The following ASTN1 variants were observed in gnomAD, a reference collection of about 807,000 sequenced individuals.
ASTN1 encodes astrotactin-1.
In ASTN1, 41 loss-of-function variants were observed where a neutral mutation model predicts 140.7. The observed-to-expected ratio is 0.29, with a 90% CI of 0.23 to 0.38. The LOEUF is 0.38. Ranked by LOEUF, ASTN1 falls within the 10% of genes least tolerant of loss-of-function variation. The probability of loss-of-function intolerance (pLI) is 1.00; values close to 1 mark genes in which losing one functional copy is unlikely to be tolerated. For missense variants in ASTN1, 1,479 were observed against 1,678.8 expected, an observed-to-expected ratio of 0.88 and a Z score of 2.08; for synonymous variants, 640 against 652.2, an observed-to-expected ratio of 0.98 and a Z score of 0.29.
At position 177,032,668 on chromosome 1, in the gene ASTN1, C is replaced by T. The variant is rs1558045958; in HGVS notation, c.653G>A (p.Arg218His). The change falls in exon 3 of 23, where the codon CGC becomes CAC. Residue 218 changes from arginine to histidine, a missense_variant. Physicochemically the swap from Arg to His is conservative, Grantham distance 29. Transcript: ENST00000361833. ...GTTGTGGCCCTGCACGCGGGCATTG[C>T]GCAGGCTCTCCCGTCCGTGCCCGCC... The part of the protein sequence containing the change: ...LIGGHGRESL[R>H]NARVQGHNSS... The T allele has an allele frequency of 2.5e-6, 4 of 1,614,124 alleles. No homozygotes were observed. Among genetic ancestry groups the T allele is most frequent in the Non-Finnish European group, 3.4e-6 (4 of 1,180,030 alleles).
At chr1:176,899,190 C>T (rs1359744652) in intron 16 of ASTN1, among the ~76,000 whole-genome samples, 1 of 152,232 alleles carries the variant, frequency 6.6e-6, no homozygotes, top group African/African-American at 2.4e-5. Context: ...CTGTATCCTA[C>T]AGCATACAGT....
intron 1 of ASTN1, among the ~76,000 whole-genome samples, chr1:177,133,878 C>T (rs1242075226): frequency 2.6e-5 from 4 of 152,218 alleles, no homozygotes; most frequent in African/African-American, 9.6e-5. Context: ...TGCCTAAGCA[C>T]ATACATTAAT....
intron 18 of ASTN1, among the ~76,000 whole-genome samples, chr1:176,887,084 T>C (rs548649038): frequency 1.3e-5 from 2 of 152,304 alleles, no homozygotes; most frequent in East Asian, 3.9e-4. Context: ...ACCCCTCAAA[T>C]GCAGACTCTC....
chr1:176,882,692 T>G (rs1205705509), intron 20 of ASTN1, among the ~76,000 whole-genome samples, 167 bp downstream of exon 20: 1 of 152,136 alleles, frequency 6.6e-6, no homozygotes, highest in Non-Finnish European at 1.5e-5. Context: ...CCCATTCCAG[T>G]GTCTAAGTAC....
At chr1:177,105,649 A>C (rs544567996) in intron 1 of ASTN1, among the ~76,000 whole-genome samples, 2 of 152,260 alleles carry the variant, frequency 1.3e-5, no homozygotes, top group East Asian at 3.9e-4. Context: ...TCATGGAAAA[A>C]AAAAAAACCT....
At chr1:177,029,343 T>G in intron 5 of ASTN1, 1 of 616,516 alleles carries the variant, frequency 1.6e-6, no homozygotes. Flanking sequence ...ATATGACTCC[T>G]GAGTCTTCCA....
At chr1:177,070,358 A>AT (rs1052245666) in intron 1 of ASTN1, among the ~76,000 whole-genome samples, 7 of 152,206 alleles carry the variant, frequency 4.6e-5, no homozygotes, top group Admixed American at 2.6e-4. Context: ...ATTTGCTATA[A>AT]TTTTCTGATC....
At chr1:176,935,922 A>G in intron 15 of ASTN1, 2 of 360,968 alleles carry the variant, frequency 5.5e-6, no homozygotes, top group South Asian at 2.3e-5. Flanking sequence ...TGCTCTTTGC[A>G]TTTGGAATGC....
At chr1:177,107,179 C>T (rs1680588393) in intron 1 of ASTN1, among the ~76,000 whole-genome samples, 1 of 152,128 alleles carries the variant, frequency 6.6e-6, no homozygotes, top group African/African-American at 2.4e-5. Context: ...CCTGCTGAAC[C>T]AGAATCAGTC....
At chr1:176,995,489 G>A (rs1674396306) in intron 8 of ASTN1, among the ~76,000 whole-genome samples, 1 of 152,148 alleles carries the variant, frequency 6.6e-6, no homozygotes. Context: ...AGTAGGAAAA[G>A]CCATTCTAGG....
chr1:176,973,662 A>G (rs191649649), intron 8 of ASTN1, among the ~76,000 whole-genome samples: 78 of 152,230 alleles, frequency 5.1e-4, no homozygotes, highest in Non-Finnish European at 9.7e-4. Flanking sequence ...CTCCTCCCCA[A>G]TCTTCTCCCT....
chr1:176,971,745 A>C (rs1485082644), intron 8 of ASTN1, among the ~76,000 whole-genome samples: 1 of 152,198 alleles, frequency 6.6e-6, no homozygotes, highest in Non-Finnish European at 1.5e-5. Context: ...CACAGTGCGC[A>C]CAGTAGTATC....
chr1:177,153,216 GA>G (rs924204112), intron 1 of ASTN1, among the ~76,000 whole-genome samples: 1 of 151,984 alleles, frequency 6.6e-6, no homozygotes, highest in African/African-American at 2.4e-5. Flanking sequence ...TGGTTGTTAA[GA>G]AAAAAACAAA....
At chr1:176,955,380 C>T (rs191001820) in intron 11 of ASTN1, among the ~76,000 whole-genome samples, 238 of 152,238 alleles carry the variant, frequency 1.6e-3, no homozygotes, top group African/African-American at 5.5e-3. Context: ...AGTGGAGTCA[C>T]AAGTGTCATG....
intron 8 of ASTN1, among the ~76,000 whole-genome samples, chr1:176,974,547 G>A (rs772774895): frequency 2.5e-4 from 38 of 151,956 alleles, no homozygotes; most frequent in Admixed American, 9.2e-4. Flanking sequence ...CACCAGGCCC[G>A]GCTAATTTTT....
At chr1:176,972,705 G>T (rs912982784) in intron 8 of ASTN1, among the ~76,000 whole-genome samples, 2 of 148,854 alleles carry the variant, frequency 1.3e-5, no homozygotes, top group African/African-American at 5.0e-5. Flanking sequence ...CTCATGCAAA[G>T]AAAAATTAAA....
chr1:176,930,554 G>T (rs1177767315), intron 16 of ASTN1, among the ~76,000 whole-genome samples: 2 of 152,152 alleles, frequency 1.3e-5, no homozygotes, highest in Non-Finnish European at 2.9e-5. Flanking sequence ...AAAGATTTAT[G>T]AAAAGAATCT....
In ASTN1 at chr1:177,105,400, C is replaced by T. The variant is rs172901; in HGVS notation, c.284-44135G>A. 2.3e-3 allele frequency among the ~76,000 whole-genome samples: 351 copies of T among 152,216 alleles called. 3 individuals carry two copies. The highest frequency in any genetic ancestry group is 7.6e-3 in the African/African-American group (315 of 41,516). ...ACAATGAAATCATGGATTTCCCTCA[C>T]CTTAACATCTTCTTTCTCTTCTTAG... On this transcript the variant is annotated intron_variant, in intron 1 of 22. Transcript: ENST00000361833.
Position 177,148,704 on chromosome 1 carries a change from T to C in ASTN1, c.283+15690A>G, listed in dbSNP as rs144773560. Among the ~76,000 whole-genome samples, 576 of 151,746 alleles carry C rather than the reference T, an allele frequency of 3.8e-3. 1 individual carries two copies. The highest frequency in any genetic ancestry group is 5.5e-3 in the Admixed American group (84 of 15,232). On this transcript the variant is annotated intron_variant, in intron 1 of 22. Coordinates refer to ENST00000361833, the MANE Select transcript of ASTN1 (RefSeq NM_004319.3). ...TTCCTTCCTATAAAGAGATGGTGCATTACCCAAGAAAAGAAGAGACCAGTT... is the reference window on the plus strand; with the variant it reads ...TTCCTTCCTATAAAGAGATGGTGCACTACCCAAGAAAAGAAGAGACCAGTT...
Sources: gnomAD v4.1 joint callset for allele counts (sites outside exome capture counted in the v4.1 genomes callset) on GRCh38, gnomAD v4.1.1 for gene constraint, MANE v1.5 for transcripts, NCBI Gene and HGNC (gene_info 2026-07-23, HGNC 2026-07-21) for gene names.